CACNB2: variants seen among roughly 807,000 people sequenced by gnomAD.
CACNB2 encodes the protein calcium voltage-gated channel auxiliary subunit beta 2.
CACNB2 carries 42 observed loss-of-function variants against 73.3 expected under a neutral mutation model. The ratio of observed to expected loss-of-function variants is 0.57; its 90% CI spans 0.45 to 0.74. The LOEUF is 0.74. CACNB2 is among the 30% of genes least tolerant of loss of function. The pLI, the probability that CACNB2 is intolerant of heterozygous loss-of-function variation, is 0.00. For missense variants in CACNB2, 940 were observed against 853.0 expected (o/e 1.10, Z -1.27); for synonymous variants, 348 against 310.3 (o/e 1.12, Z -1.28).
At chr10:18,200,262 C>A (rs542728108) in intron 2 of CACNB2, among the ~76,000 whole-genome samples, 63 of 148,412 alleles carry the variant, frequency 4.2e-4, no homozygotes, top group African/African-American at 1.4e-3. Flanking sequence ...TAATTATACT[C>A]AAAAAAAAAG....
chr10:18,449,045 G>A (rs528529574), intron 3 of CACNB2, among the ~76,000 whole-genome samples: 1 of 152,284 alleles, frequency 6.6e-6, no homozygotes, highest in South Asian at 2.1e-4. Flanking sequence ...CTATGGTCTG[G>A]TAATGGTGTT....
intron 2 of CACNB2, among the ~76,000 whole-genome samples, chr10:18,152,740 C>CAAAACAAAA (rs1564298583): frequency 0.01 from 998 of 96,890 alleles, 18 homozygotes; most frequent in Non-Finnish European, 0.015. Flanking sequence ...AAACAAAAAA[C>CAAAACAAAA]AAAACACTAG....
intron 2 of CACNB2, among the ~76,000 whole-genome samples, chr10:18,379,335 C>G (rs1000054488): frequency 2.0e-5 from 3 of 152,076 alleles, no homozygotes; most frequent in African/African-American, 7.2e-5. Context: ...GCCTCAGGCT[C>G]CCTAGTAGCT....
rs541753937 is a variant in CACNB2, at chr10:18,441,584, T to C, written c.333+39541T>C. Among the ~76,000 whole-genome samples, 3 of 152,332 alleles carry C rather than the reference T, an allele frequency of 2.0e-5. No homozygotes were observed. The South Asian group carries it at 6.2e-4, about 32-fold the overall frequency. On this transcript the variant is annotated intron_variant, in intron 3 of 13. Coordinates refer to ENST00000324631, the MANE Select transcript of CACNB2 (RefSeq NM_201596.3). ...TGAGGTATAATTGACAAATAAAAAT[T>C]GTATATACTTATGATACATAGTGTG...
intron 2 of CACNB2, among the ~76,000 whole-genome samples, chr10:18,197,467 A>G (rs1369571519): frequency 1.3e-5 from 2 of 152,170 alleles, no homozygotes; most frequent in African/African-American, 4.8e-5. Flanking sequence ...GGCTTAATCC[A>G]AGCACCCCAG....
chr10:18,223,149 A>G (rs2035859216), intron 2 of CACNB2, among the ~76,000 whole-genome samples: 1 of 152,196 alleles, frequency 6.6e-6, no homozygotes. Flanking sequence ...GATTTTGAGC[A>G]TTGCTAATTT....
intron 2 of CACNB2, among the ~76,000 whole-genome samples, chr10:18,391,560 C>T (rs1283470921): frequency 6.6e-6 from 1 of 152,016 alleles, no homozygotes; most frequent in East Asian, 1.9e-4. Context: ...AATCCATCCT[C>T]GTGGGTGTTA....
intron 10 of CACNB2, among the ~76,000 whole-genome samples, chr10:18,529,077 C>T (rs575676959): frequency 4.6e-4 from 70 of 152,292 alleles, no homozygotes; most frequent in African/African-American, 1.6e-3. Flanking sequence ...GGCAATCCTG[C>T]CTTGGCCTCC....
chr10:18,157,426 T>C (rs2032140561), intron 2 of CACNB2, among the ~76,000 whole-genome samples: 1 of 152,232 alleles, frequency 6.6e-6, no homozygotes, highest in Admixed American at 6.5e-5. Flanking sequence ...ACATGAGTTA[T>C]CACTTGTAAT....
chr10:18,150,855 CTTTT>C (rs71402148), intron 1 of CACNB2, 24 bp from the exon 2 acceptor site: 2,394 of 480,784 alleles, frequency 5.0e-3, no homozygotes, highest in East Asian at 6.7e-3. Context: ...TCTTATTTGT[CTTTT>C]TTTTTTTTTT....
At chr10:18,410,603 T>C (rs2044566898) in intron 3 of CACNB2, among the ~76,000 whole-genome samples, 1 of 152,220 alleles carries the variant, frequency 6.6e-6, no homozygotes, top group Non-Finnish European at 1.5e-5. Context: ...ATAATGCGTA[T>C]GTTCTTAAAC....
chr10:18,282,316 T>A (rs1383673448), intron 2 of CACNB2, among the ~76,000 whole-genome samples: 1 of 152,148 alleles, frequency 6.6e-6, no homozygotes, highest in African/African-American at 2.4e-5. Flanking sequence ...CAGAGGTGGA[T>A]TGACAGAATG....
intron 3 of CACNB2, among the ~76,000 whole-genome samples, chr10:18,425,418 T>A (rs11014185): frequency 0.87 from 132,131 of 152,188 alleles, 57,539 homozygotes; most frequent in East Asian, 0.94. Flanking sequence ...TGTAACCCCA[T>A]TACTTTGGGA....
intron 7 of CACNB2, 114 bp downstream of exon 7, chr10:18,514,483 T>C: frequency 1.2e-6 from 2 of 1,614,108 alleles, no homozygotes; most frequent in Non-Finnish European, 8.5e-7. Context: ...CATGCTCTGT[T>C]ATTTGTTTCT....
intron 2 of CACNB2, chr10:18,340,815 G>C: frequency 1.9e-6 from 3 of 1,609,234 alleles, no homozygotes; most frequent in Non-Finnish European, 2.5e-6. Flanking sequence ...GAAAGCAGTT[G>C]CTATGCTGTT....
chr10:18,522,682 G>A (rs11014634), intron 9 of CACNB2, among the ~76,000 whole-genome samples: 69,064 of 151,520 alleles, frequency 0.46, 16,188 homozygotes, highest in East Asian at 0.69. Flanking sequence ...GTTCGAGACC[G>A]GCTTCGCCAA....
At chr10:18,519,957 CT>C in intron 9 of CACNB2, 1 of 335,716 alleles carries the variant, frequency 3.0e-6, no homozygotes, top group Admixed American at 4.4e-5. Flanking sequence ...TGGAACCACA[CT>C]TTTCTGGTTT....
At chr10:18,270,646 A>G (rs1387160771) in intron 2 of CACNB2, among the ~76,000 whole-genome samples, 4 of 151,940 alleles carry the variant, frequency 2.6e-5, no homozygotes, top group Non-Finnish European at 5.9e-5. Context: ...ATTGAATTTC[A>G]TACAGTTTCC....
chr10:18,369,595 T>C (rs2042493091), intron 2 of CACNB2, among the ~76,000 whole-genome samples: 1 of 152,202 alleles, frequency 6.6e-6, no homozygotes, highest in Non-Finnish European at 1.5e-5. Context: ...AGGGTGGAAC[T>C]GGGCCATTAG....
Sources: gnomAD v4.1 joint callset for allele counts (sites outside exome capture counted in the v4.1 genomes callset) on GRCh38, gnomAD v4.1.1 for gene constraint, MANE v1.5 for transcripts, NCBI Gene and HGNC (gene_info 2026-07-23, HGNC 2026-07-21) for gene names.